NCOR2: variants seen among roughly 807,000 people sequenced by gnomAD.
The protein encoded by NCOR2 is CTG repeat protein 26.
In NCOR2, 81 loss-of-function variants were observed where a neutral mutation model predicts 262.9. That is an observed-to-expected ratio of 0.31 (90% CI 0.26 to 0.37). NCOR2 has a LOEUF of 0.37. Among genes scored for constraint, NCOR2 ranks in the 10% least tolerant of loss-of-function variants. The pLI, the probability that NCOR2 is intolerant of heterozygous loss-of-function variation, is 1.00. For missense variants in NCOR2, 3,385 were observed against 3,621.4 expected (o/e 0.93, Z 1.68); for synonymous variants, 1,659 against 1,559.3 (o/e 1.06, Z -1.51).
chr12:124,498,561 C>T (rs898336517), upstream of NCOR2, among the ~76,000 whole-genome samples: 8 of 152,150 alleles, frequency 5.3e-5, no homozygotes, highest in Admixed American at 2.6e-4. Flanking sequence ...ACCTGAGCCA[C>T]GTTTCCTGCC....
At chr12:124,528,163 C>T (rs1411710980) in intron 1 of NCOR2, among the ~76,000 whole-genome samples, 1 of 152,154 alleles carries the variant, frequency 6.6e-6, no homozygotes, top group Non-Finnish European at 1.5e-5. Flanking sequence ...TCTCTGGAAG[C>T]CCCTACAGCA....
intron 20 of NCOR2, among the ~76,000 whole-genome samples, chr12:124,365,530 G>A (rs758745506): frequency 6.6e-6 from 1 of 152,204 alleles, no homozygotes; most frequent in Non-Finnish European, 1.5e-5. Context: ...CCACCGGCAT[G>A]TGACCGGCCT....
At position 124,333,066 on chromosome 12, in the gene NCOR2, G is replaced by C. The variant is rs2035355965; in HGVS notation, c.6755+64C>G. On this transcript the variant is annotated intron_variant, in intron 42 of 46. Transcript: ENST00000405201. ...CTCCACATGGCACCACGGTGGACTGGGGCCAAGGATGGGCAAGGGATACCA... is the reference window on the plus strand; with the variant it reads ...CTCCACATGGCACCACGGTGGACTGCGGCCAAGGATGGGCAAGGGATACCA... 3 of 1,520,016 alleles carry C rather than the reference G, an allele frequency of 2.0e-6. No individual in the cohort carries two copies. In the South Asian group the frequency reaches 3.9e-5, roughly 20 times the overall value. The allele number at this position is 1,520,016 out of a possible 1,614,324, so 94.2% of individuals were successfully genotyped here.
rs2052243105 is a variant in NCOR2, at chr12:124,566,480, C to A, written c.-165+828G>T. Reference sequence around the variant, plus strand: ...CTCGGCTTGCTCCTCCTGCAAGTGTCTGGGGCGGGGAGGGCGTACCCCACG... The same window carrying A: ...CTCGGCTTGCTCCTCCTGCAAGTGTATGGGGCGGGGAGGGCGTACCCCACG... On this transcript the variant is annotated intron_variant, in intron 1 of 32. Transcript: ENST00000458234. The surrounding 1 kb of genome is among the most constrained non-coding windows in gnomAD (Gnocchi z 4.3). 6.6e-6 allele frequency among the ~76,000 whole-genome samples: 1 copy of A among 152,220 alleles called. No individual in the cohort carries two copies. Among genetic ancestry groups the A allele is most frequent in the Non-Finnish European group, 1.5e-5 (1 of 68,026 alleles).
intron 44 of NCOR2, among the ~76,000 whole-genome samples, 197 bp downstream of exon 46, chr12:124,330,648 A>T (rs1373232466): frequency 6.6e-6 from 1 of 152,200 alleles, no homozygotes; most frequent in Admixed American, 6.5e-5. Context: ...CACAGCGAGG[A>T]TCCTGTCTAC....
rs1049739132 is a variant in NCOR2, at chr12:124,481,566, A to G, written c.411+2030T>C. 2.0e-5 allele frequency among the ~76,000 whole-genome samples: 3 copies of G among 152,206 alleles called. No individual in the cohort carries two copies. Among genetic ancestry groups the G allele is most frequent in the Non-Finnish European group, 4.4e-5 (3 of 68,016 alleles). On this transcript the variant is annotated intron_variant, in intron 3 of 46. Coordinates refer to ENST00000405201, the Ensembl canonical transcript of NCOR2. This position sits in a 1 kb window ranked among gnomAD's most constrained non-coding sequence, Gnocchi z 4.6. ...GGGAGGGCGCTCCTGCGGAGGGCACAGCCGGTGCAAAGGTCCCCAGGTGGG... is the reference window on the plus strand; with the variant it reads ...GGGAGGGCGCTCCTGCGGAGGGCACGGCCGGTGCAAAGGTCCCCAGGTGGG...
rs776250279 is a variant in NCOR2, at chr12:124,443,455, C to T, written c.816-5459G>A. Reference sequence around the variant, plus strand: ...TGCACAGTGCACAGGCCAGAGACAGCCTCTGAGGGTGTTGTGTTGGGCTGT... The same window carrying T: ...TGCACAGTGCACAGGCCAGAGACAGTCTCTGAGGGTGTTGTGTTGGGCTGT... On this transcript the variant is annotated intron_variant, in intron 7 of 46. Coordinates refer to ENST00000405201, the Ensembl canonical transcript of NCOR2. The surrounding 1 kb of genome is among the most constrained non-coding windows in gnomAD (Gnocchi z 4.4). Among the ~76,000 whole-genome samples the T allele has an allele frequency of 2.0e-5, 3 of 152,164 alleles. No individual in the cohort carries two copies. Among genetic ancestry groups the T allele is most frequent in the Admixed American group, 6.5e-5 (1 of 15,278 alleles).
rs77999680 is a variant in NCOR2 at position 124,509,249 on chromosome 12, G to GGC, written c.-117-13882_-117-13881insGC. On this transcript the variant is annotated intron_variant, in intron 1 of 46. Coordinates refer to the NCOR2 transcript ENST00000404621. ...ACTGGCTTTGGTGGGGGGGGGGGGG[G>GGC]CTTAACTCTGAACTCTCAAGCTGAG... Among the ~76,000 whole-genome samples, 5 of 145,850 alleles carry GGC rather than the reference G, an allele frequency of 3.4e-5. 1 individual carries two copies. Among genetic ancestry groups the GGC allele is most frequent in the African/African-American group, 1.3e-4 (5 of 37,198 alleles).
intron 7 of NCOR2, among the ~76,000 whole-genome samples, chr12:124,438,558 G>A (rs769954152): frequency 3.3e-5 from 5 of 151,856 alleles, no homozygotes; most frequent in East Asian, 3.9e-4. Flanking sequence ...AAACCCCCGG[G>A]CGGGGGCGGT....
rs1454605360 is a variant in NCOR2, at chr12:124,531,312, G to A, written c.-118+4253C>T. Among the ~76,000 whole-genome samples the A allele has an allele frequency of 2.6e-5, 4 of 152,198 alleles. No homozygotes were observed. The highest frequency in any genetic ancestry group is 5.9e-5 in the Non-Finnish European group (4 of 68,020). The stretch of plus-strand genomic sequence containing the variant: ...TCCCACAGGCCTGTCCAGGGCTCCT[G>A]CTCCCCTCTGAGTGATGGCAGGGCA... On this transcript the variant is annotated intron_variant, in intron 1 of 46. Transcript: ENST00000404621. The surrounding 1 kb of genome is among the most constrained non-coding windows in gnomAD (Gnocchi z 4.5).
intron 4 of NCOR2, 136 bp downstream of exon 6, chr12:124,472,816 T>C (rs1329544527): frequency 8.7e-7 from 1 of 1,149,786 alleles, no homozygotes; most frequent in Non-Finnish European, 1.3e-6. Flanking sequence ...TCCTGTCCAA[T>C]AAACGTAAAG....
chr12:124,343,028 G>T, exon 33 of NCOR2: 2 of 1,611,468 alleles, frequency 1.2e-6, no homozygotes, highest in Non-Finnish European at 1.7e-6. Context: ...GATGCCGCGG[G>T]GTATGGAGGT....
At chr12:124,375,358 A>C (rs75375965) in intron 18 of NCOR2, among the ~76,000 whole-genome samples, 18,572 of 152,198 alleles carry the variant, frequency 0.12, 1,348 homozygotes, top group Non-Finnish European at 0.15. Context: ...ACAGTTATCA[A>C]GGGGGTCTGG....
At chr12:124,423,368 G>A (rs3782270) in intron 11 of NCOR2, among the ~76,000 whole-genome samples, 72,046 of 152,082 alleles carry the variant, frequency 0.47, 19,437 homozygotes, top group Non-Finnish European at 0.59. Context: ...AGGCTGGACT[G>A]TGGGCTCCCA....
intron 8 of NCOR2, among the ~76,000 whole-genome samples, chr12:124,431,087 GCA>G (rs2043888084): frequency 6.9e-6 from 1 of 144,474 alleles, no homozygotes; most frequent in African/African-American, 2.8e-5. Flanking sequence ...GCACATACAG[GCA>G]CACACATACA....
intron 13 of NCOR2, among the ~76,000 whole-genome samples, chr12:124,417,257 C>CGGACAGCAGGCCGGACACTCACTCCAT (rs1565924176): frequency 6.6e-6 from 1 of 151,742 alleles, no homozygotes; most frequent in East Asian, 1.9e-4. Flanking sequence ...ACTCACTCCA[C>CGGACAGCAGGCCGGACACTCACTCCAT]GGAGAGCAGG....
intron 1 of NCOR2, among the ~76,000 whole-genome samples, chr12:124,554,559 C>A (rs2051822454): frequency 6.6e-6 from 1 of 152,262 alleles, no homozygotes; most frequent in Admixed American, 6.5e-5. Flanking sequence ...CACCCCCAGG[C>A]ACTCCTTACA....
In NCOR2 at chr12:124,438,892, G is replaced by GAC. The variant is rs201500463; in HGVS notation, c.816-897_816-896insGT. 3.0e-4 allele frequency among the ~76,000 whole-genome samples: 8 copies of GAC among 26,468 alleles called. No individual in the cohort carries two copies. The East Asian group carries it at 4.1e-3, about 13-fold the overall frequency. 17.4% of individuals were successfully genotyped at this position (26,468 alleles called of 152,430 possible). ...AGACAGAGGAAGACAGAGACCCAGA[G>GAC]AGAGGGAGACAGAGACCCAGAGAGA... On this transcript the variant is annotated intron_variant, in intron 7 of 46. Transcript: ENST00000405201.
chr12:124,359,075 A>G lies in NCOR2; in HGVS notation c.3101-2293T>C, dbSNP rs374698132. Among the ~76,000 whole-genome samples, 3 of 152,184 alleles carry G rather than the reference A, an allele frequency of 2.0e-5. No homozygotes were observed. The East Asian group carries it at 5.8e-4, about 29-fold the overall frequency. On this transcript the variant is annotated intron_variant, in intron 22 of 46. Coordinates refer to ENST00000405201, the Ensembl canonical transcript of NCOR2. ...TGGGTCCTAGATTTCAGGCCTGGGG[A>G]GATCCTGTAAACTCAGCGGGGCCCC... is the stretch of plus-strand genomic sequence containing the variant.
Sources: gnomAD v4.1 joint callset for allele counts (sites outside exome capture counted in the v4.1 genomes callset) on GRCh38, gnomAD v4.1.1 for gene constraint, Gnocchi (gnomAD v3.1) non-coding constraint, MANE v1.5 for transcripts, NCBI Gene and HGNC (gene_info 2026-07-23, HGNC 2026-07-21) for gene names.